The following TMPRSS15 variants were observed in gnomAD, a reference collection of about 807,000 sequenced individuals.
TMPRSS15 encodes the protein transmembrane serine protease 15.
A neutral mutation model predicts 125.3 loss-of-function variants in TMPRSS15; 128 were observed. The observed-to-expected ratio is 1.02, with a 90% CI of 0.89 to 1.18. The LOEUF (loss-of-function observed/expected upper bound fraction) is 1.18, where lower values mean the gene tolerates loss of function less well. Among genes scored for constraint, TMPRSS15 ranks in the 50% most tolerant of loss-of-function variants. TMPRSS15 has a pLI of 0.00. For synonymous variants in TMPRSS15, 446 were observed against 423.2 expected, an observed-to-expected ratio of 1.05 and a Z score of -0.66; for missense variants, 1,283 against 1,212.7, an observed-to-expected ratio of 1.06 and a Z score of -0.86.
At chr21:18,310,084 T>C (rs59950636) in intron 18 of TMPRSS15, among the ~76,000 whole-genome samples, 11,547 of 152,080 alleles carry the variant, frequency 0.076, 795 homozygotes, top group East Asian at 0.34. Context: ...AGATTACATA[T>C]GACAAAGCCA....
chr21:18,363,986 C>T (rs552631064), intron 7 of TMPRSS15, among the ~76,000 whole-genome samples: 1 of 152,204 alleles, frequency 6.6e-6, no homozygotes, highest in South Asian at 2.1e-4. Flanking sequence ...AAGGGATACT[C>T]TTCTTTCCTT....
At chr21:18,272,257 T>C (rs937339668) in intron 24 of TMPRSS15, among the ~76,000 whole-genome samples, 1 of 152,194 alleles carries the variant, frequency 6.6e-6, no homozygotes, top group Admixed American at 6.5e-5. Flanking sequence ...TAATCGCCAT[T>C]CTGACTGGCA....
chr21:18,341,121 A>C (rs553360567), intron 13 of TMPRSS15, among the ~76,000 whole-genome samples: 1 of 152,276 alleles, frequency 6.6e-6, no homozygotes, highest in African/African-American at 2.4e-5. Context: ...GAGTGCAGTG[A>C]CATGATTACA....
At chr21:18,320,406 C>T (rs944369938) in intron 16 of TMPRSS15, among the ~76,000 whole-genome samples, 1 of 152,064 alleles carries the variant, frequency 6.6e-6, no homozygotes, top group African/African-American at 2.4e-5. Flanking sequence ...AATGAATTCT[C>T]AATGACAATA....
intron 1 of TMPRSS15, among the ~76,000 whole-genome samples, chr21:18,441,159 G>A (rs1315739234): frequency 6.6e-6 from 1 of 152,070 alleles, no homozygotes; most frequent in Non-Finnish European, 1.5e-5. Context: ...CAGGTGTGGT[G>A]GCATGCACCT....
chr21:18,440,372 CAAAA>C (rs539968323), intron 1 of TMPRSS15, among the ~76,000 whole-genome samples: 3 of 47,430 alleles, frequency 6.3e-5, no homozygotes, highest in African/African-American at 2.5e-4. Context: ...AACTCCGTCT[CAAAA>C]AAAAAAAAAA....
intron 14 of TMPRSS15, 108 bp from the exon 15 acceptor site, chr21:18,329,402 TC>T: frequency 1.7e-6 from 2 of 1,206,266 alleles, no homozygotes; most frequent in East Asian, 2.7e-5. Flanking sequence ...CAATTTTTTT[TC>T]CACTTCATGA....
At chr21:18,412,029 A>G (rs903592408) in intron 1 of TMPRSS15, among the ~76,000 whole-genome samples, 4 of 152,150 alleles carry the variant, frequency 2.6e-5, no homozygotes, top group African/African-American at 4.8e-5. Context: ...AAATATCAGC[A>G]TGTTCTTCCC....
chr21:18,466,461 G>A (rs564039398), intron 1 of TMPRSS15, among the ~76,000 whole-genome samples: 264 of 151,546 alleles, frequency 1.7e-3, no homozygotes, highest in African/African-American at 2.2e-3. Flanking sequence ...AAAAACTACC[G>A]TCAGACTAAA....
chr21:18,414,363 A>C (rs2076175143), intron 1 of TMPRSS15, among the ~76,000 whole-genome samples: 1 of 152,132 alleles, frequency 6.6e-6, no homozygotes, highest in South Asian at 2.1e-4. Flanking sequence ...GTGATTTTTG[A>C]ACATAACGTG....
intron 14 of TMPRSS15, among the ~76,000 whole-genome samples, chr21:18,330,293 CTGA>C (rs1207733661): frequency 6.6e-6 from 1 of 151,982 alleles, no homozygotes; most frequent in African/African-American, 2.4e-5. Flanking sequence ...ATTGGCGATG[CTGA>C]TGATTCTCAT....
intron 18 of TMPRSS15, among the ~76,000 whole-genome samples, chr21:18,300,813 C>A (rs895509863): frequency 1.3e-5 from 2 of 151,880 alleles, no homozygotes; most frequent in Non-Finnish European, 2.9e-5. Context: ...TAAACATATG[C>A]CTATTCTAGA....
rs941148721 is a variant in TMPRSS15 at position 18,445,289 on chromosome 21, C to T, written c.10+40510G>A. On this transcript the variant is annotated intron_variant, in intron 1 of 7. Transcript: ENST00000422787. The stretch of plus-strand genomic sequence containing the variant: ...TTTGCCTCCTGGGTTCAAGTGATTA[C>T]CCTGCCTCAGCCTCCCGAATAGCTG... Among the ~76,000 whole-genome samples the T allele has an allele frequency of 6.0e-5, 9 of 150,968 alleles. No individual in the cohort carries two copies. In the East Asian group the frequency reaches 1.8e-3, roughly 29 times the overall value.
chr21:18,401,306 A>G (rs139442454), intron 1 of TMPRSS15, among the ~76,000 whole-genome samples: 1 of 152,308 alleles, frequency 6.6e-6, no homozygotes, highest in East Asian at 1.9e-4. Flanking sequence ...ACAGTTTACA[A>G]TAGCAAAGTT....
intron 1 of TMPRSS15, among the ~76,000 whole-genome samples, chr21:18,476,907 T>C (rs935927587): frequency 2.0e-5 from 3 of 148,350 alleles, no homozygotes; most frequent in African/African-American, 4.9e-5. Flanking sequence ...CTCTCTCTCT[T>C]TTTTTTTTTA....
chr21:18,392,814 C>T (rs1016072955), intron 3 of TMPRSS15, among the ~76,000 whole-genome samples: 2 of 152,290 alleles, frequency 1.3e-5, no homozygotes, highest in African/African-American at 4.8e-5. Context: ...CAAGTACTTT[C>T]TTCACAAGGT....
chr21:18,366,873 C>T (rs531172984), intron 6 of TMPRSS15, among the ~76,000 whole-genome samples: 24 of 151,628 alleles, frequency 1.6e-4, no homozygotes, highest in South Asian at 8.4e-4. Flanking sequence ...AAAAGCTCAT[C>T]GTAAAATTAT....
At chr21:18,307,129 A>G (rs1312165628) in intron 18 of TMPRSS15, among the ~76,000 whole-genome samples, 1 of 152,198 alleles carries the variant, frequency 6.6e-6, no homozygotes, top group Non-Finnish European at 1.5e-5. Context: ...AGTCTAGACA[A>G]ATTCTCATTA....
chr21:18,336,043 A>G (rs1210981338), intron 13 of TMPRSS15, among the ~76,000 whole-genome samples: 1 of 151,626 alleles, frequency 6.6e-6, no homozygotes, highest in Non-Finnish European at 1.5e-5. Context: ...TGTAAATAAC[A>G]TGCAGTATTT....
Sources: gnomAD v4.1 joint callset for allele counts (sites outside exome capture counted in the v4.1 genomes callset) on GRCh38, gnomAD v4.1.1 for gene constraint, MANE v1.5 for transcripts, NCBI Gene and HGNC (gene_info 2026-07-23, HGNC 2026-07-21) for gene names.